SCAPER: variants seen among roughly 807,000 people sequenced by gnomAD.
SCAPER encodes the protein S-phase cyclin A associated protein in the ER.
In SCAPER, 98 loss-of-function variants were observed where a neutral mutation model predicts 182.2. The observed-to-expected ratio is 0.54, with a 90% CI of 0.46 to 0.64. The LOEUF is 0.64. Among genes scored for constraint, SCAPER ranks in the 30% least tolerant of loss-of-function variants. The probability of loss-of-function intolerance (pLI) is 0.00; values close to 1 mark genes in which losing one functional copy is unlikely to be tolerated. For missense variants in SCAPER, 1,432 were observed against 1,690.0 expected (o/e 0.85, Z 2.68); for synonymous variants, 605 against 564.6 (o/e 1.07, Z -1.01).
intron 29 of SCAPER, among the ~76,000 whole-genome samples, chr15:76,362,492 A>C (rs955976446): frequency 2.0e-5 from 3 of 150,862 alleles, no homozygotes; most frequent in Non-Finnish European, 4.4e-5. Flanking sequence ...GGCTCACTGC[A>C]ACCTCTGCCT....
intron 20 of SCAPER, among the ~76,000 whole-genome samples, chr15:76,679,673 A>G (rs1237755299): frequency 1.3e-5 from 2 of 152,210 alleles, no homozygotes; most frequent in Admixed American, 6.5e-5. Context: ...CATGCAAAAG[A>G]GAAAAGCCAT....
intron 23 of SCAPER, among the ~76,000 whole-genome samples, chr15:76,554,791 T>C (rs1399923036): frequency 2.7e-5 from 4 of 150,360 alleles, no homozygotes; most frequent in Non-Finnish European, 3.0e-5. Context: ...CAGCATTCTT[T>C]TTTTTTTTTT....
chr15:76,413,681 T>C (rs2045455189), intron 26 of SCAPER, among the ~76,000 whole-genome samples: 1 of 152,166 alleles, frequency 6.6e-6, no homozygotes, highest in Admixed American at 6.5e-5. Flanking sequence ...GTTGAACAGG[T>C]CTATTTTTAG....
chr15:76,894,946 T>C (rs1243840987), intron 1 of SCAPER, among the ~76,000 whole-genome samples: 1 of 152,230 alleles, frequency 6.6e-6, no homozygotes, highest in Admixed American at 6.5e-5. Context: ...TGGCGAATTC[T>C]ACCAAACATT....
At chr15:76,534,811 A>T (rs2043994494) in intron 23 of SCAPER, among the ~76,000 whole-genome samples, 1 of 152,186 alleles carries the variant, frequency 6.6e-6, no homozygotes, top group East Asian at 1.9e-4. Context: ...ATAAGGTTAA[A>T]TTCAATTATA....
intron 30 of SCAPER, 66 bp downstream of exon 30, chr15:76,353,883 C>CTT: frequency 7.3e-7 from 1 of 1,361,934 alleles, no homozygotes; most frequent in Non-Finnish European, 9.6e-7. Context: ...AGCTGGCTTA[C>CTT]TTTTACATTT....
chr15:76,799,644 G>A (rs890477707), intron 7 of SCAPER, among the ~76,000 whole-genome samples: 20 of 152,042 alleles, frequency 1.3e-4, no homozygotes, highest in African/African-American at 4.8e-4. Context: ...CAATTTTCAG[G>A]CAAAACGTAC....
At position 76,507,337 on chromosome 15, in the gene SCAPER, A is replaced by G. The variant is rs555825404; in HGVS notation, c.2839-2363T>C. Among the ~76,000 whole-genome samples the G allele has an allele frequency of 2.0e-5, 3 of 152,262 alleles. No individual in the cohort carries two copies. In the East Asian group the frequency reaches 5.8e-4, roughly 29 times the overall value. ...AGAAACCAAACCTGTTGACACCTTG[A>G]TCTTGGACTTCCAGCATCTAAAACC... On this transcript the variant is annotated intron_variant, in intron 23 of 31. Coordinates refer to ENST00000563290, the MANE Select transcript of SCAPER (RefSeq NM_020843.4).
chr15:76,479,233 T>C (rs1436702120), intron 24 of SCAPER, among the ~76,000 whole-genome samples: 1 of 152,182 alleles, frequency 6.6e-6, no homozygotes, highest in African/African-American at 2.4e-5. Context: ...GTAAAACTTG[T>C]TTGAAAGACA....
At chr15:76,688,540 GT>G (rs1276079654) in intron 20 of SCAPER, among the ~76,000 whole-genome samples, 4 of 152,024 alleles carry the variant, frequency 2.6e-5, no homozygotes, top group African/African-American at 9.7e-5. Flanking sequence ...TATTGCCTAG[GT>G]TTTCTTCTAC....
At chr15:76,417,218 T>TGA (rs1567094058) in intron 26 of SCAPER, among the ~76,000 whole-genome samples, 1 of 100,674 alleles carries the variant, frequency 9.9e-6, no homozygotes. Flanking sequence ...TCTGTGTGTG[T>TGA]TAAAAAAACA....
intron 4 of SCAPER, among the ~76,000 whole-genome samples, chr15:76,846,144 T>G (rs554273863): frequency 1.3e-5 from 2 of 152,278 alleles, no homozygotes; most frequent in East Asian, 3.9e-4. Flanking sequence ...GATATCTGTA[T>G]GCAGAAGAAT....
intron 23 of SCAPER, among the ~76,000 whole-genome samples, chr15:76,554,323 T>A (rs1445835257): frequency 6.6e-6 from 1 of 152,016 alleles, no homozygotes; most frequent in East Asian, 1.9e-4. Flanking sequence ...CTGAGAAATA[T>A]GGGATTACAT....
intron 10 of SCAPER, among the ~76,000 whole-genome samples, chr15:76,771,179 G>A (rs1312049752): frequency 1.3e-5 from 2 of 152,022 alleles, no homozygotes; most frequent in African/African-American, 4.8e-5. Flanking sequence ...TTATCCCCAG[G>A]TCAAGTATCC....
intron 22 of SCAPER, among the ~76,000 whole-genome samples, chr15:76,620,525 A>G (rs189113984): frequency 1.4e-4 from 22 of 152,312 alleles, no homozygotes; most frequent in Non-Finnish European, 2.2e-4. Flanking sequence ...AATGCCTAAT[A>G]CTTTCAGAAC....
intron 27 of SCAPER, among the ~76,000 whole-genome samples, chr15:76,395,520 G>A (rs1236148002): frequency 6.6e-6 from 1 of 152,110 alleles, no homozygotes; most frequent in Non-Finnish European, 1.5e-5. Context: ...GTTATTGAAT[G>A]TCTTTTAGAT....
chr15:76,608,090 G>A (rs950516663), intron 22 of SCAPER, among the ~76,000 whole-genome samples: 5 of 152,122 alleles, frequency 3.3e-5, no homozygotes, highest in East Asian at 1.9e-4. Context: ...GAGGAGAGGC[G>A]CTCTGATTTT....
intron 29 of SCAPER, among the ~76,000 whole-genome samples, chr15:76,369,695 G>C (rs888600358): frequency 2.0e-5 from 3 of 152,210 alleles, no homozygotes; most frequent in African/African-American, 7.2e-5. Context: ...AGTAGAAAGG[G>C]AATTTAATAG....
intron 8 of SCAPER, among the ~76,000 whole-genome samples, chr15:76,785,987 G>A (rs1366297620): frequency 6.6e-6 from 1 of 152,028 alleles, no homozygotes; most frequent in Non-Finnish European, 1.5e-5. Flanking sequence ...TAACAAACCT[G>A]CATGTTGTGC....
Sources: gnomAD v4.1 joint callset for allele counts (sites outside exome capture counted in the v4.1 genomes callset) on GRCh38, gnomAD v4.1.1 for gene constraint, MANE v1.5 for transcripts, NCBI Gene and HGNC (gene_info 2026-07-23, HGNC 2026-07-21) for gene names.